SCML2: variants seen among roughly 807,000 people sequenced by gnomAD.
The protein encoded by SCML2 is Scm polycomb group protein like 2.
A neutral mutation model predicts 48.4 loss-of-function variants in SCML2; 6 were observed. That is an observed-to-expected ratio of 0.12 (90% CI 0.07 to 0.24). The LOEUF (loss-of-function observed/expected upper bound fraction) is 0.24, where lower values mean the gene tolerates loss of function less well. Ranked by LOEUF, SCML2 falls within the 10% of genes least tolerant of loss-of-function variation. The pLI is 1.00. For synonymous variants in SCML2, 181 were observed against 189.5 expected, an observed-to-expected ratio of 0.95 and a Z score of 0.37; for missense variants, 377 against 528.2, an observed-to-expected ratio of 0.71 and a Z score of 2.81.
chrX:18,269,558 C>T (rs1049072208), intron 7 of SCML2, among the ~76,000 whole-genome samples: 2 of 111,649 alleles, frequency 1.8e-5, no homozygotes, highest in African/African-American at 6.5e-5. Flanking sequence ...AACACAATTA[C>T]TAAACCCAAA....
intron 6 of SCML2, among the ~76,000 whole-genome samples, chrX:18,308,273 C>A (rs781267524): frequency 9.4e-4 from 50 of 53,028 alleles, no homozygotes; most frequent in East Asian, 4.6e-3. Flanking sequence ...AAAAAAAAAA[C>A]AAAAAAAAAC....
chrX:18,328,103 CTTTT>C (rs201778845), intron 3 of SCML2, among the ~76,000 whole-genome samples: 2 of 111,105 alleles, frequency 1.8e-5, no homozygotes, highest in Non-Finnish European at 3.8e-5. Context: ...ATGGTCTCTT[CTTTT>C]TTTATTTGTA....
intron 7 of SCML2, among the ~76,000 whole-genome samples, chrX:18,298,848 T>C (rs1602115604): frequency 9.3e-6 from 1 of 107,267 alleles, no homozygotes; most frequent in Admixed American, 9.9e-5. Context: ...AAGAAACTAG[T>C]CCCCTAGACC....
intron 2 of SCML2, among the ~76,000 whole-genome samples, chrX:18,333,332 A>G (rs1929713090): frequency 8.9e-6 from 1 of 111,885 alleles, no homozygotes; most frequent in Non-Finnish European, 1.9e-5. Flanking sequence ...ACTAGATATT[A>G]GGAGTCTCCT....
intron 1 of SCML2, among the ~76,000 whole-genome samples, chrX:18,351,411 G>A (rs1304568070): frequency 9.0e-6 from 1 of 111,264 alleles, no homozygotes; most frequent in Non-Finnish European, 1.9e-5. Flanking sequence ...TATTAGGGAT[G>A]CTTGATTTGC....
Position 18,345,043 on chromosome X carries a change from AG to A in SCML2, c.-25+9548del, listed in dbSNP as rs1385002861. Among the ~76,000 whole-genome samples, 4 of 111,509 alleles carry A rather than the reference AG, an allele frequency of 3.6e-5. No homozygotes were observed. In the Admixed American group the frequency reaches 3.9e-4, roughly 11 times the overall value. On this transcript the variant is annotated intron_variant, in intron 1 of 14. Coordinates refer to ENST00000251900, the MANE Select transcript of SCML2 (RefSeq NM_006089.3). ...AAAGCTTATTACAAGCCTGCATAGT[AG>A]ATACTGTTATTAATGTCCATTAATG...
chrX:18,346,010 C>G (rs1390035259), intron 1 of SCML2, among the ~76,000 whole-genome samples: 1 of 110,071 alleles, frequency 9.1e-6, no homozygotes, highest in African/African-American at 3.3e-5. Flanking sequence ...AATGATCCTC[C>G]TGCCTCAGCC....
chrX:18,279,929 T>C (rs1442059657), intron 7 of SCML2, among the ~76,000 whole-genome samples: 1 of 111,969 alleles, frequency 8.9e-6, no homozygotes, highest in African/African-American at 3.2e-5. Context: ...AATAAGCAAC[T>C]TGGAAAATAT....
chrX:18,285,608 C>A (rs1470769231), intron 7 of SCML2, among the ~76,000 whole-genome samples: 2 of 110,654 alleles, frequency 1.8e-5, no homozygotes, highest in African/African-American at 6.6e-5. Context: ...TGCTCACTAC[C>A]TGGATGCAAT....
At position 18,246,673 on chromosome X, in the gene SCML2, T is replaced by C. The variant is rs1476210756; in HGVS notation, c.1726A>G (p.Ser576Gly). Reference sequence around the variant, plus strand: ...GGTGAACTTGTGGTGCCTGGCACACTTCGAGAAAAATCCTGGGAGACTGAA... The same window carrying C: ...GGTGAACTTGTGGTGCCTGGCACACCTCGAGAAAAATCCTGGGAGACTGAA... ...HTSVSQDFSR[S>G]VPGTTSSPLV... The change falls in exon 13 of 15, where the codon AGT (serine) becomes GGT (glycine). Residue 576 changes from serine (S) to glycine (G), a missense_variant. Ser to Gly is a moderately conservative substitution (Grantham distance 56, BLOSUM62 0). Coordinates refer to ENST00000251900, the MANE Select transcript of SCML2 (RefSeq NM_006089.3). The C allele has an allele frequency of 1.7e-6, 2 of 1,208,935 alleles. No individual in the cohort carries two copies. Among genetic ancestry groups the C allele is most frequent in the Non-Finnish European group, 2.2e-6 (2 of 894,254 alleles).
chrX:18,269,550 C>T (rs370164576), intron 7 of SCML2, among the ~76,000 whole-genome samples: 5 of 111,766 alleles, frequency 4.5e-5, no homozygotes, highest in African/African-American at 1.6e-4. Flanking sequence ...AACAGACTAA[C>T]ACAATTACTA....
intron 7 of SCML2, among the ~76,000 whole-genome samples, chrX:18,298,613 T>C (rs1170492196): frequency 1.8e-5 from 2 of 111,279 alleles, no homozygotes; most frequent in African/African-American, 6.5e-5. Context: ...CCCCAGCACT[T>C]TGGGAGGCCA....
chrX:18,354,591 C>A lies in SCML2; in HGVS notation c.-25+1G>T, dbSNP rs1930483730. 3.5e-6 allele frequency: 1 copy of A among 282,889 alleles called. No homozygotes were observed. Among genetic ancestry groups the A allele is most frequent in the Admixed American group, 6.3e-5 (1 of 15,983 alleles). 23.3% of individuals were successfully genotyped at this position (282,889 alleles called of 1,213,427 possible). A position where few individuals can be genotyped will look rare whatever the true frequency, so the allele number is the denominator to read the frequency against. On this transcript the variant is annotated splice_donor_variant, in intron 1 of 14. Transcript: ENST00000251900. LOFTEE classifies it low-confidence loss of function (5UTR_SPLICE). ...TTACGGGGCCCGGAATCACCACGTA[C>A]CTCCAGTCTCGTCGGTGAAAACAAC... is the stretch of plus-strand genomic sequence containing the variant.
upstream of SCML2, chrX:18,354,875 C>T (rs1389172867): frequency 7.8e-6 from 1 of 128,493 alleles, no homozygotes; most frequent in East Asian, 2.5e-4. Flanking sequence ...CCGGGAAAGC[C>T]CTTGGCACTT....
At chrX:18,317,680 A>G (rs1216389270) in intron 6 of SCML2, among the ~76,000 whole-genome samples, 1 of 109,374 alleles carries the variant, frequency 9.1e-6, no homozygotes, top group African/African-American at 3.3e-5. Flanking sequence ...AAAAAATACA[A>G]AAAATTAGCC....
chrX:18,250,052 A>T (rs1434947718), intron 11 of SCML2, among the ~76,000 whole-genome samples: 2 of 111,375 alleles, frequency 1.8e-5, no homozygotes, highest in Non-Finnish European at 3.8e-5. Flanking sequence ...CCTAGGGAGA[A>T]GGGAATCTGA....
intron 14 of SCML2, 92 bp downstream of exon 14, chrX:18,242,347 C>G: frequency 1.0e-6 from 1 of 952,575 alleles, no homozygotes. Context: ...GATAGGGTTC[C>G]CCCACCATCC....
intron 8 of SCML2, among the ~76,000 whole-genome samples, chrX:18,262,444 G>A (rs751924445): frequency 3.0e-5 from 3 of 99,599 alleles, no homozygotes; most frequent in Non-Finnish European, 2.0e-5. Flanking sequence ...GGGTTCAAGC[G>A]ATTCTCGTGC....
intron 7 of SCML2, among the ~76,000 whole-genome samples, chrX:18,281,431 G>A (rs1375094430): frequency 8.9e-6 from 1 of 111,881 alleles, no homozygotes; most frequent in African/African-American, 3.2e-5. Context: ...CTAACTTTGG[G>A]CCAAGCACAG....
Sources: allele counts gnomAD v4.1 joint callset (sites outside exome capture counted in the v4.1 genomes callset), GRCh38; gene constraint gnomAD v4.1.1; transcripts MANE v1.5; gene names NCBI Gene and HGNC (gene_info 2026-07-23, HGNC 2026-07-21).